The following HOMER1 variants were observed in gnomAD, a reference collection of about 807,000 sequenced individuals.
HOMER1 encodes the protein homer protein homolog 1.
HOMER1 carries 3 observed loss-of-function variants against 48.9 expected under a neutral mutation model. That is an observed-to-expected ratio of 0.06 (90% CI 0.03 to 0.16). HOMER1 has a LOEUF of 0.16. Among genes scored for constraint, HOMER1 ranks in the 10% least tolerant of loss-of-function variants. The pLI is 1.00. For synonymous variants in HOMER1, 134 were observed against 146.4 expected, an observed-to-expected ratio of 0.92 and a Z score of 0.61; for missense variants, 247 against 411.4, an observed-to-expected ratio of 0.60 and a Z score of 3.46.
chr5:79,468,582 G>A (rs1349053079), intron 1 of HOMER1, among the ~76,000 whole-genome samples: 1 of 152,142 alleles, frequency 6.6e-6, no homozygotes, highest in Non-Finnish European at 1.5e-5. Context: ...AGTGGAGAAC[G>A]TTGGACTAGA....
intron 1 of HOMER1, among the ~76,000 whole-genome samples, chr5:79,491,588 C>T (rs952777594): frequency 2.6e-5 from 4 of 151,640 alleles, no homozygotes; most frequent in Non-Finnish European, 5.9e-5. Context: ...TACTGTGATA[C>T]TGGCAATATA....
At chr5:79,499,158 A>G (rs1752505342) in intron 1 of HOMER1, among the ~76,000 whole-genome samples, 1 of 152,110 alleles carries the variant, frequency 6.6e-6, no homozygotes, top group Non-Finnish European at 1.5e-5. Flanking sequence ...AAGCTCCAGG[A>G]AAAATATTTC....
At chr5:79,498,243 C>T (rs1443367806) in intron 1 of HOMER1, among the ~76,000 whole-genome samples, 1 of 152,066 alleles carries the variant, frequency 6.6e-6, no homozygotes, top group Non-Finnish European at 1.5e-5. Context: ...CTACTAAAAA[C>T]ACAAAATTAG....
At chr5:79,434,172 A>G (rs546402402) in intron 5 of HOMER1, among the ~76,000 whole-genome samples, 1 of 152,256 alleles carries the variant, frequency 6.6e-6, no homozygotes, top group African/African-American at 2.4e-5. Context: ...ATATGACAAC[A>G]ATTATTTATC....
intron 1 of HOMER1, chr5:79,510,524 T>A: frequency 1.4e-6 from 1 of 734,586 alleles, no homozygotes; most frequent in Non-Finnish European, 2.5e-6. Flanking sequence ...AAGATACGAA[T>A]CTCTTAAGGG....
intron 1 of HOMER1, among the ~76,000 whole-genome samples, chr5:79,488,531 C>T (rs1227426380): frequency 1.3e-5 from 2 of 152,160 alleles, no homozygotes; most frequent in Non-Finnish European, 2.9e-5. Context: ...CCAAATCAAA[C>T]ATCTTAAATA....
intron 1 of HOMER1, among the ~76,000 whole-genome samples, chr5:79,504,340 T>G (rs913145128): frequency 2.0e-5 from 3 of 151,046 alleles, no homozygotes; most frequent in Non-Finnish European, 4.4e-5. Context: ...AATTTTAATG[T>G]TAAAAGCCAT....
intron 5 of HOMER1, among the ~76,000 whole-genome samples, chr5:79,425,119 T>C (rs1386361807): frequency 6.6e-6 from 1 of 151,976 alleles, no homozygotes; most frequent in Non-Finnish European, 1.5e-5. Flanking sequence ...TCAGGGACTA[T>C]TTGCATCTTG....
chr5:79,474,361 C>T, intron 1 of HOMER1, among the ~76,000 whole-genome samples: 1 of 132,724 alleles, frequency 7.5e-6, no homozygotes, highest in African/African-American at 3.5e-5. Flanking sequence ...CCTTTCTAAA[C>T]TTTCTAAGAC....
At chr5:79,501,556 C>T (rs1752593431) in intron 1 of HOMER1, among the ~76,000 whole-genome samples, 1 of 152,134 alleles carries the variant, frequency 6.6e-6, no homozygotes, top group South Asian at 2.1e-4. Context: ...TTTTTCAGTA[C>T]CATCTGTAAG....
intron 1 of HOMER1, among the ~76,000 whole-genome samples, chr5:79,504,584 G>A (rs1016919258): frequency 1.3e-5 from 2 of 152,118 alleles, no homozygotes; most frequent in Non-Finnish European, 2.9e-5. Flanking sequence ...TGATAGTCAT[G>A]TCCTAAAGAT....
At chr5:79,417,752 G>A (rs1378105273) in intron 5 of HOMER1, among the ~76,000 whole-genome samples, 2 of 152,156 alleles carry the variant, frequency 1.3e-5, no homozygotes, top group Non-Finnish European at 2.9e-5. Flanking sequence ...AGACAAAAAT[G>A]CCACTATTTC....
rs552822525 is a variant in HOMER1 at position 79,384,414 on chromosome 5, A to T, written c.877-8217T>A. On this transcript the variant is annotated intron_variant, in intron 8 of 8. Transcript: ENST00000334082. ...CTGGAAAACCTGGAGGATATGGATG[A>T]ATTCCTGGAAACTTACAACTTACCA... 1.4e-4 allele frequency among the ~76,000 whole-genome samples: 22 copies of T among 152,284 alleles called. No homozygotes were observed. The East Asian group carries it at 4.1e-3, about 28-fold the overall frequency.
chr5:79,381,003 C>T (rs559018184), intron 8 of HOMER1, among the ~76,000 whole-genome samples: 1 of 152,272 alleles, frequency 6.6e-6, no homozygotes, highest in East Asian at 1.9e-4. Context: ...CACCCTTGCA[C>T]TGCTGCCACT....
intron 1 of HOMER1, among the ~76,000 whole-genome samples, chr5:79,511,744 A>G (rs917023601): frequency 6.6e-6 from 1 of 152,226 alleles, no homozygotes; most frequent in East Asian, 1.9e-4. Context: ...TCTAACTCCA[A>G]AAGGAAGGTA....
chr5:79,501,656 A>T (rs994667371), intron 1 of HOMER1, among the ~76,000 whole-genome samples: 10 of 152,276 alleles, frequency 6.6e-5, no homozygotes, highest in African/African-American at 2.2e-4. Context: ...GGAGTTAGAA[A>T]CCCTTCTCCA....
intron 5 of HOMER1, among the ~76,000 whole-genome samples, chr5:79,419,070 A>G (rs1750026336): frequency 6.6e-6 from 1 of 152,244 alleles, no homozygotes; most frequent in South Asian, 2.1e-4. Flanking sequence ...AAAATGCAGA[A>G]TAGTTACAAA....
chr5:79,433,542 T>C (rs1750482335), intron 5 of HOMER1, among the ~76,000 whole-genome samples: 1 of 152,132 alleles, frequency 6.6e-6, no homozygotes, highest in Non-Finnish European at 1.5e-5. Context: ...CACTCCAGCC[T>C]GGGCAACAGA....
intron 1 of HOMER1, among the ~76,000 whole-genome samples, chr5:79,476,821 C>T (rs910930140): frequency 2.6e-5 from 4 of 151,988 alleles, no homozygotes; most frequent in African/African-American, 7.3e-5. Flanking sequence ...AATGAAGCAT[C>T]GACAACCATG....
Sources: allele counts gnomAD v4.1 joint callset (sites outside exome capture counted in the v4.1 genomes callset), GRCh38; gene constraint gnomAD v4.1.1; transcripts MANE v1.5; gene names NCBI Gene and HGNC (gene_info 2026-07-23, HGNC 2026-07-21).